CDH18: variants seen among roughly 807,000 people sequenced by gnomAD.
CDH18 encodes the protein cadherin 18.
CDH18 carries 31 observed loss-of-function variants against 67.9 expected under a neutral mutation model. That is an observed-to-expected ratio of 0.46 (90% CI 0.34 to 0.62). The LOEUF is 0.62. CDH18 is among the 20% of genes least tolerant of loss of function. CDH18 has a pLI of 0.01. For missense variants in CDH18, 890 were observed against 975.5 expected (o/e 0.91, Z 1.17); for synonymous variants, 362 against 347.2 (o/e 1.04, Z -0.48).
At chr5:19,792,105 A>T (rs1373296178) in intron 3 of CDH18, among the ~76,000 whole-genome samples, 3 of 152,160 alleles carry the variant, frequency 2.0e-5, no homozygotes, top group Non-Finnish European at 2.9e-5. Flanking sequence ...AGGCCCACAG[A>T]GCTGATAAAA....
intron 1 of CDH18, among the ~76,000 whole-genome samples, chr5:20,262,065 TATATA>T (rs565201748): frequency 2.9e-3 from 445 of 152,358 alleles, no homozygotes; most frequent in African/African-American, 0.01. Flanking sequence ...ACAACTCCAC[TATATA>T]ATATAATTAG....
At chr5:20,492,608 A>G (rs188010158) in intron 1 of CDH18, among the ~76,000 whole-genome samples, 1 of 152,256 alleles carries the variant, frequency 6.6e-6, no homozygotes. Flanking sequence ...TTGACAGGAA[A>G]GGTTGTTCTT....
intron 1 of CDH18, among the ~76,000 whole-genome samples, chr5:20,322,646 T>G (rs1000023290): frequency 1.3e-5 from 2 of 152,116 alleles, no homozygotes; most frequent in Non-Finnish European, 2.9e-5. Flanking sequence ...TAGACTAGTC[T>G]CTCTTGTAAA....
At chr5:19,999,014 T>C (rs1736231912) in intron 2 of CDH18, among the ~76,000 whole-genome samples, 1 of 152,134 alleles carries the variant, frequency 6.6e-6, no homozygotes, top group Non-Finnish European at 1.5e-5. Context: ...AAGAAAGAAA[T>C]GTTAAATTAT....
chr5:19,666,401 C>T (rs1235242285), intron 5 of CDH18, among the ~76,000 whole-genome samples: 2 of 151,614 alleles, frequency 1.3e-5, no homozygotes, highest in African/African-American at 4.8e-5. Context: ...CGCCACCACA[C>T]CTGGCAAATA....
At chr5:19,979,530 T>A (rs750574443) in intron 2 of CDH18, among the ~76,000 whole-genome samples, 3 of 152,140 alleles carry the variant, frequency 2.0e-5, no homozygotes, top group Non-Finnish European at 4.4e-5. Flanking sequence ...ATATTTTGTC[T>A]ACTCTTCTTT....
In CDH18 at chr5:20,104,295, G is replaced by C. The variant is rs555103628; in HGVS notation, c.-517-112281C>G. ...ACAAATGTCATACATAAATTCCACT[G>C]AATGATGTAATGAGGAGGAATGATG... On this transcript the variant is annotated intron_variant, in intron 2 of 14. Coordinates refer to the CDH18 transcript ENST00000507958. 1.6e-4 allele frequency among the ~76,000 whole-genome samples: 25 copies of C among 152,110 alleles called. 1 individual carries two copies. In the South Asian group the frequency reaches 5.2e-3, roughly 32 times the overall value.
chr5:20,352,190 C>T (rs899512081), intron 1 of CDH18, among the ~76,000 whole-genome samples: 3 of 152,098 alleles, frequency 2.0e-5, no homozygotes, highest in Admixed American at 6.5e-5. Flanking sequence ...ACAGTAAGAC[C>T]AACCTTTCTT....
rs141685050 is a variant in CDH18, at chr5:20,383,967, T to C, written c.-579-128462A>G. On this transcript the variant is annotated intron_variant, in intron 1 of 14. Coordinates refer to the CDH18 transcript ENST00000507958. ...TGAGAAAAGGGATCTAAAATTTAAA[T>C]TCAAGTCAATAAAAATTTTAAATAT... 2.0e-3 allele frequency among the ~76,000 whole-genome samples: 305 copies of C among 152,162 alleles called. 1 individual carries two copies. The highest frequency in any genetic ancestry group is 7.1e-3 in the African/African-American group (296 of 41,512).
chr5:20,306,399 G>A (rs1736455799), intron 1 of CDH18, among the ~76,000 whole-genome samples: 1 of 151,652 alleles, frequency 6.6e-6, no homozygotes, highest in African/African-American at 2.4e-5. Context: ...GCTTAGCCCA[G>A]AAAATCCCGA....
intron 5 of CDH18, among the ~76,000 whole-genome samples, chr5:19,657,197 T>G (rs185642651): frequency 5.6e-4 from 85 of 152,280 alleles, no homozygotes; most frequent in Admixed American, 1.1e-3. Context: ...TGTTCAAAGC[T>G]TTTGTGTATA....
At position 19,927,930 on chromosome 5, in the gene CDH18, G is replaced by A. The variant is rs1009701206; in HGVS notation, c.-257+53130C>T. On this transcript the variant is annotated intron_variant, in intron 2 of 12. Coordinates refer to ENST00000382275, the MANE Select transcript of CDH18 (RefSeq NM_004934.5). Reference sequence around the variant, plus strand: ...TTGTGATTCTGAGTCTTTAAATAGAGAATTTGGCTGCTAAGCCTACAAGAG... The same window carrying A: ...TTGTGATTCTGAGTCTTTAAATAGAAAATTTGGCTGCTAAGCCTACAAGAG... 2.0e-5 allele frequency among the ~76,000 whole-genome samples: 3 copies of A among 152,232 alleles called. No individual in the cohort carries two copies. The East Asian group carries it at 5.8e-4, about 29-fold the overall frequency.
chr5:19,483,235 T>C (rs1739766017), intron 12 of CDH18, 66 bp downstream of exon 12: 5 of 1,497,694 alleles, frequency 3.3e-6, no homozygotes, highest in South Asian at 2.6e-5. Flanking sequence ...TCCTTAAGAT[T>C]TGTCAAAATG....
intron 1 of CDH18, among the ~76,000 whole-genome samples, chr5:20,543,507 G>C (rs984107736): frequency 2.6e-5 from 4 of 152,042 alleles, no homozygotes; most frequent in Non-Finnish European, 5.9e-5. Flanking sequence ...TGCTGATTTG[G>C]AATATTTTTA....
At chr5:19,679,641 T>A (rs974291031) in intron 5 of CDH18, among the ~76,000 whole-genome samples, 2 of 151,830 alleles carry the variant, frequency 1.3e-5, no homozygotes, top group Admixed American at 6.6e-5. Context: ...TTTCTATATA[T>A]CAATTATGTT....
chr5:20,285,067 C>G (rs972712800), intron 1 of CDH18, among the ~76,000 whole-genome samples: 3 of 151,482 alleles, frequency 2.0e-5, no homozygotes, highest in African/African-American at 7.3e-5. Flanking sequence ...CATACCCATC[C>G]CCTCTCATAA....
intron 1 of CDH18, among the ~76,000 whole-genome samples, chr5:20,537,229 A>G (rs1756774739): frequency 6.6e-6 from 1 of 152,200 alleles, no homozygotes; most frequent in South Asian, 2.1e-4. Context: ...AAACTTGGGA[A>G]TAAGGTAATG....
chr5:19,917,345 G>A (rs186153745), intron 2 of CDH18, among the ~76,000 whole-genome samples: 1 of 138,436 alleles, frequency 7.2e-6, no homozygotes, highest in Non-Finnish European at 1.5e-5. Context: ...TTCCCCCCCC[G>A]CCCCCTTTTT....
chr5:20,193,701 A>G (rs59256847), intron 2 of CDH18, among the ~76,000 whole-genome samples: 5,235 of 152,240 alleles, frequency 0.034, 305 homozygotes, highest in African/African-American at 0.12. Flanking sequence ...AAAATCCCCA[A>G]TAAAATACTG....
Sources: allele counts gnomAD v4.1 joint callset (sites outside exome capture counted in the v4.1 genomes callset), GRCh38; gene constraint gnomAD v4.1.1; transcripts MANE v1.5; gene names NCBI Gene and HGNC (gene_info 2026-07-23, HGNC 2026-07-21).